Variants in SAMD9L observed in about 807,000 individuals in gnomAD.
SAMD9L encodes the protein sterile alpha motif domain-containing protein 9-like.
In SAMD9L, 68 loss-of-function variants were observed where a neutral mutation model predicts 90.7. That is an observed-to-expected ratio of 0.75 (90% CI 0.62 to 0.92). The LOEUF is 0.92. Among genes scored for constraint, SAMD9L ranks in the 40% least tolerant of loss-of-function variants. The pLI, the probability that SAMD9L is intolerant of heterozygous loss-of-function variation, is 0.00. For missense variants in SAMD9L, 1,604 were observed against 1,824.3 expected, an observed-to-expected ratio of 0.88 and a Z score of 2.20; for synonymous variants, 640 against 630.1, an observed-to-expected ratio of 1.02 and a Z score of -0.23.
intron 4 of SAMD9L, 143 bp from the exon 5 acceptor site, chr7:93,136,134 T>A: frequency 1.9e-6 from 1 of 533,952 alleles, no homozygotes; most frequent in Non-Finnish European, 3.0e-6. Context: ...AACTGCTTGA[T>A]ACTTACTTTA....
At position 93,134,545 on chromosome 7, in the gene SAMD9L, T is replaced by C; in HGVS notation, c.1427A>G (p.Lys476Arg). The C allele has an allele frequency of 6.2e-7, 1 of 1,613,990 alleles. No individual in the cohort carries two copies. Among genetic ancestry groups the C allele is most frequent in the Non-Finnish European group, 8.5e-7 (1 of 1,179,896 alleles). Residue 476 changes from lysine to arginine, a missense_variant, in exon 5 of 5, where the codon AAG becomes AGG. Physicochemically the swap from Lys to Arg is conservative, Grantham distance 26. This residue lies in a region of SAMD9L where 606 missense variants were observed against 717.6 expected (regional missense o/e 0.84). Transcript: ENST00000318238. ...NLHFPNQYED[K>R]TTNMWEKIST... The stretch of plus-strand genomic sequence containing the variant: ...AATCTTCTCCCACATGTTAGTTGTC[T>C]TGTCTTCATATTGATTTGGAAAGTG...
rs954704291 is a variant in SAMD9L at position 93,131,089 on chromosome 7, G to A, written c.*128C>T. 7.2e-6 allele frequency: 4 copies of A among 555,302 alleles called. No homozygotes were observed. The highest frequency in any genetic ancestry group is 1.2e-5 in the Non-Finnish European group (4 of 336,170). 34.4% of individuals were successfully genotyped at this position (555,302 alleles called of 1,614,324 possible). ...TTAAAAAGGCTTGTAATTCATTCAG[G>A]GAGGCAAAAGCAAAATCTGTAATTA... On this transcript the variant is annotated 3_prime_UTR_variant, in exon 5 of 5. Transcript: ENST00000318238.
In SAMD9L at chr7:93,130,897, A is replaced by C. The variant is rs1305787880; in HGVS notation, c.*320T>G. The stretch of plus-strand genomic sequence containing the variant: ...AAGAAATAATTTAGAAAACTTATAA[A>C]AGCAATTGAGTTTAACACAGATTTT... On this transcript the variant is annotated 3_prime_UTR_variant, in exon 5 of 5. Transcript: ENST00000318238. The C allele has an allele frequency of 1.6e-5, 3 of 188,054 alleles. No individual in the cohort carries two copies. The highest frequency in any genetic ancestry group is 3.2e-5 in the Non-Finnish European group (3 of 92,772). 11.6% of individuals were successfully genotyped at this position (188,054 alleles called of 1,614,324 possible).
In SAMD9L at chr7:93,134,526, C is replaced by T. The variant is rs773254263; in HGVS notation, c.1446G>A (p.Glu482=). The T allele has an allele frequency of 6.2e-6, 10 of 1,613,776 alleles. No homozygotes were observed. In the South Asian group the frequency reaches 1.1e-4, roughly 18 times the overall value. The change falls in exon 5 of 5, where the codon GAG becomes GAA. Residue 482 remains glutamate, a synonymous_variant. Coordinates refer to ENST00000318238, the MANE Select transcript of SAMD9L (RefSeq NM_152703.5). ...GGTAAAGATTAAGAGTAGAAATCTT[C>T]TCCCACATGTTAGTTGTCTTGTCTT... is the stretch of plus-strand genomic sequence containing the variant. ...QYEDKTTNMW[E]KISTLNLYQQ...
At position 93,135,502 on chromosome 7, in the gene SAMD9L, T is replaced by A; in HGVS notation, c.470A>T (p.Lys157Ile). Reference sequence around the variant, plus strand: ...TGGCATACAAGTCAATTGTTCAGGTTTTAGCTTACCCTTTTTCTTGTGTTT... The same window carrying A: ...TGGCATACAAGTCAATTGTTCAGGTATTAGCTTACCCTTTTTCTTGTGTTT... Reference protein sequence around the residue: ...NAKHKKKGKLKPEQLTCMPYP... With the variant: ...NAKHKKKGKLIPEQLTCMPYP... The change falls in exon 5 of 5, where the codon AAA becomes ATA. Residue 157 changes from lysine to isoleucine, a missense_variant. By Grantham distance (102) the Lys-to-Ile change is moderately radical. This residue lies in a region of SAMD9L where 374 missense variants were observed against 363.6 expected (regional missense o/e 1.03). Coordinates refer to ENST00000318238, the MANE Select transcript of SAMD9L (RefSeq NM_152703.5). The A allele has an allele frequency of 6.2e-7, 1 of 1,614,152 alleles. No homozygotes were observed. Among genetic ancestry groups the A allele is most frequent in the Non-Finnish European group, 8.5e-7 (1 of 1,179,996 alleles).
In SAMD9L at chr7:93,134,645, C is replaced by T; in HGVS notation, c.1327G>A (p.Val443Met). 1 of 1,613,986 alleles carries T rather than the reference C, an allele frequency of 6.2e-7. No homozygotes were observed. The highest frequency in any genetic ancestry group is 8.5e-7 in the Non-Finnish European group (1 of 1,179,930). The change falls in exon 5 of 5, where the codon GTG (valine) becomes ATG (methionine). Residue 443 changes from valine (V) to methionine (M), a missense_variant. By Grantham distance (21) the Val-to-Met change is conservative. Coordinates refer to ENST00000318238, the MANE Select transcript of SAMD9L (RefSeq NM_152703.5). ...DFLKEIKWFA[V>M]LEFDPESMIN... is the part of the protein sequence containing the mutation. ...ATAGATTCAGGATCAAACTCCAACA[C>T]AGCAAACCATTTAATTTCTTTTAAA...
intron 4 of SAMD9L, among the ~76,000 whole-genome samples, chr7:93,140,650 A>G (rs1440146678): frequency 6.6e-6 from 1 of 152,192 alleles, no homozygotes; most frequent in African/African-American, 2.4e-5. Context: ...AGCTTCTCCA[A>G]ACTCCTGAAA....
In SAMD9L at chr7:93,135,968, T is replaced by G; in HGVS notation, c.4A>C (p.Ser2Arg). The change falls in exon 5 of 5, where the codon AGT becomes CGT. Residue 2 changes from serine to arginine, a missense_variant. Physicochemically the swap from Ser to Arg is moderately radical, Grantham distance 110 (BLOSUM62 -1). Coordinates refer to ENST00000318238, the MANE Select transcript of SAMD9L (RefSeq NM_152703.5). The part of the protein sequence containing the change: M[S>R]KQVSLPEMIK... The stretch of plus-strand genomic sequence containing the variant: ...ATTTCAGGTAGAGATACTTGTTTAC[T>G]CATATCAAAGCTTCAACTTCTTCCT... The G allele has an allele frequency of 6.4e-7, 1 of 1,564,380 alleles. No homozygotes were observed. Among genetic ancestry groups the G allele is most frequent in the East Asian group, 2.3e-5 (1 of 44,254 alleles).
chr7:93,131,240 C>G lies in SAMD9L; in HGVS notation c.4732G>C (p.Ala1578Pro). ...TCTTAAATTACTTCTATATCATATG[C>G]CAGAGGGCCTTCAATGGAAAATCCT... is the stretch of plus-strand genomic sequence containing the variant. ...YLGFSIEGPLAYDIEVI is the reference protein window; with the variant it reads ...YLGFSIEGPLPYDIEVI Residue 1578 changes from alanine (A) to proline (P), a missense_variant, in exon 5 of 5, where the codon GCA becomes CCA. Ala to Pro is a conservative substitution (Grantham distance 27). Transcript: ENST00000318238. 1.3e-6 allele frequency: 2 copies of G among 1,571,658 alleles called. No individual in the cohort carries two copies. Among genetic ancestry groups the G allele is most frequent in the Admixed American group, 1.9e-5 (1 of 52,882 alleles).
Position 93,132,459 on chromosome 7 carries a change from A to G in SAMD9L, c.3513T>C (p.Asp1171=). 1.2e-6 allele frequency: 2 copies of G among 1,613,610 alleles called. No homozygotes were observed. Residue 1171 remains aspartate (D), a synonymous_variant, in exon 5 of 5, where the codon GAT becomes GAC. Transcript: ENST00000318238. ...AGTTCTCGGTTTCATAGTTTTTACT[A>G]TCAGTTTGCCTTTGGGATTCTTTGA... ...RAFKESQRQT[D]SKNYETENWS... is the part of the protein sequence containing the mutation.
Position 93,135,472 on chromosome 7 carries a change from G to T in SAMD9L, c.500C>A (p.Pro167His). The T allele has an allele frequency of 6.2e-7, 1 of 1,614,120 alleles. No homozygotes were observed. The highest frequency in any genetic ancestry group is 1.1e-5 in the South Asian group (1 of 91,082). The change falls in exon 5 of 5, where the codon CCT (proline) becomes CAT (histidine). Residue 167 changes from proline (P) to histidine (H), a missense_variant. Pro to His is a moderately conservative substitution (Grantham distance 77). Around this residue, in one of 7 missense-constraint regions of SAMD9L, gnomAD observed 374 missense variants for 363.6 expected, o/e 1.03. Transcript: ENST00000318238. ...ATGGCTGTCATGGAACTGATCAAAAGGATATGGCATACAAGTCAATTGTTC... is the reference window on the plus strand; with the variant it reads ...ATGGCTGTCATGGAACTGATCAAAATGATATGGCATACAAGTCAATTGTTC... ...KPEQLTCMPY[P>H]FDQFHDSHRY...
At position 93,138,779 on chromosome 7, in the gene SAMD9L, G is replaced by A. The variant is rs937396954; in HGVS notation, c.-20-2788C>T. Among the ~76,000 whole-genome samples the A allele has an allele frequency of 3.4e-5, 5 of 149,068 alleles. No homozygotes were observed. The East Asian group carries it at 6.1e-4, about 18-fold the overall frequency. ...TGCCATAGAGTACTCCAGGGCAGATGGAGCTTGGGAGCCCGGTAGGCTCAT... is the reference window on the plus strand; with the variant it reads ...TGCCATAGAGTACTCCAGGGCAGATAGAGCTTGGGAGCCCGGTAGGCTCAT... On this transcript the variant is annotated intron_variant, in intron 4 of 4. Transcript: ENST00000318238.
At chr7:93,137,510 C>T (rs1792502405) in intron 4 of SAMD9L, among the ~76,000 whole-genome samples, 1 of 151,964 alleles carries the variant, frequency 6.6e-6, no homozygotes, top group African/African-American at 2.4e-5. Flanking sequence ...ACTGAGTCTA[C>T]ATTATGGTGA....
At chr7:93,141,997 T>G (rs907094844) in intron 4 of SAMD9L, among the ~76,000 whole-genome samples, 1 of 152,206 alleles carries the variant, frequency 6.6e-6, no homozygotes, top group Non-Finnish European at 1.5e-5. Context: ...TTACTGTTCC[T>G]CAAACATGGC....
chr7:93,134,238 C>T lies in SAMD9L; in HGVS notation c.1734G>A (p.Leu578=), dbSNP rs1192119911. 1.2e-6 allele frequency: 2 copies of T among 1,613,252 alleles called. No homozygotes were observed. Among genetic ancestry groups the T allele is most frequent in the Non-Finnish European group, 1.7e-6 (2 of 1,179,724 alleles). ...YQALKGMENM[L]CISVNSHIYQ... ...AAATATGTGAGTTTACAGAGATACA[C>T]AACATATTTTCCATTCCTTTGAGAG... is the stretch of plus-strand genomic sequence containing the variant. Residue 578 remains leucine, a synonymous_variant, in exon 5 of 5, where the codon TTG becomes TTA. Transcript: ENST00000318238.
At position 93,133,772 on chromosome 7, in the gene SAMD9L, CA is replaced by C. The variant is rs757104403; in HGVS notation, c.2199del (p.Phe733LeufsTer26). On this transcript the variant is annotated frameshift_variant, in exon 5 of 5. Coordinates refer to ENST00000318238, the MANE Select transcript of SAMD9L (RefSeq NM_152703.5). LOFTEE classifies it high-confidence loss of function. ...HCWAESPKPI[F>X]AKIINLYHHP... ...TGATGATAAAGATTGATGATTTTTG[CA>C]AATATTGGTTTAGGAGACTCTGCCC... is the stretch of plus-strand genomic sequence containing the variant. The C allele has an allele frequency of 2.5e-6, 4 of 1,613,686 alleles. No homozygotes were observed. The Admixed American group carries it at 6.7e-5, about 27-fold the overall frequency.
At chr7:93,143,537 G>T (rs911132051) in intron 4 of SAMD9L, among the ~76,000 whole-genome samples, 24 of 152,170 alleles carry the variant, frequency 1.6e-4, no homozygotes, top group African/African-American at 5.3e-4. Context: ...GTTTAAACCA[G>T]CAGAATTGAA....
At chr7:93,144,237 T>C (rs1366595621) in intron 4 of SAMD9L, among the ~76,000 whole-genome samples, 3 of 152,194 alleles carry the variant, frequency 2.0e-5, no homozygotes, top group East Asian at 3.9e-4. Flanking sequence ...TCTGGGATAA[T>C]TTTGAAACAC....
At chr7:93,145,319 A>G (rs1309672691) in intron 3 of SAMD9L, 66 bp downstream of exon 3, 2 of 152,238 alleles carry the variant, frequency 1.3e-5, no homozygotes, top group Non-Finnish European at 2.9e-5. Flanking sequence ...ACTTTTTATA[A>G]TTAGTTTTTA....
Sources: gnomAD v4.1 joint callset for allele counts (sites outside exome capture counted in the v4.1 genomes callset) on GRCh38, gnomAD v4.1.1 for gene constraint, gnomAD v4.1.1 regional missense constraint, MANE v1.5 for transcripts, NCBI Gene and HGNC (gene_info 2026-07-23, HGNC 2026-07-21) for gene names.